Variants in MYO7B observed in about 807,000 individuals in gnomAD.
MYO7B encodes myosin VIIB, also known as unconventional myosin-VIIb.
Under a neutral mutation model 259.7 loss-of-function variants are expected in MYO7B, and 212 were observed. That is an observed-to-expected ratio of 0.82 (90% CI 0.73 to 0.91). The LOEUF (loss-of-function observed/expected upper bound fraction) is 0.91, where lower values mean the gene tolerates loss of function less well. MYO7B is among the 40% of genes least tolerant of loss of function. The pLI is 0.00. For synonymous variants in MYO7B, 1,197 were observed against 1,166.4 expected (o/e 1.03, Z -0.54); for missense variants, 2,732 against 2,813.5 (o/e 0.97, Z 0.66).
Position 127,582,322 on chromosome 2 carries a change from T to A in MYO7B, c.1219T>A (p.Phe407Ile). The change falls in exon 12 of 48, where the codon TTC (phenylalanine) becomes ATC (isoleucine). Residue 407 changes from phenylalanine (F) to isoleucine (I), a missense_variant. Physicochemically the swap from Phe to Ile is conservative, Grantham distance 21. Around this residue, in one of 3 missense-constraint regions of MYO7B, gnomAD observed 1,906 missense variants for 2,026.4 expected, o/e 0.94. Coordinates refer to ENST00000409816, the MANE Select transcript of MYO7B (RefSeq NM_001393586.1). ...TCTCCAGGGCATCTATGGGCACCTC[T>A]TCCTGTGGATTGTCAAGAAGATCAA... Reference protein sequence around the residue: ...AFVKGIYGHLFLWIVKKINAA... With the variant: ...AFVKGIYGHLILWIVKKINAA... The A allele has an allele frequency of 1.2e-6, 2 of 1,613,230 alleles. No homozygotes were observed. The highest frequency in any genetic ancestry group is 1.7e-6 in the Non-Finnish European group (2 of 1,179,672).
At position 127,613,128 on chromosome 2, in the gene MYO7B, G is replaced by T. The variant is rs1180943421; in HGVS notation, c.3398+525G>T. ...TAGGTTAATACTTTTAACAAAATTTGGGAAACTGTTGGTCATTATTTCTTC... is the reference window on the plus strand; with the variant it reads ...TAGGTTAATACTTTTAACAAAATTTTGGAAACTGTTGGTCATTATTTCTTC... On this transcript the variant is annotated intron_variant, in intron 26 of 47. Transcript: ENST00000409816. This position sits in a 1 kb window ranked among gnomAD's most constrained non-coding sequence, Gnocchi z 4.3. Among the ~76,000 whole-genome samples, 1 of 152,134 alleles carries T rather than the reference G, an allele frequency of 6.6e-6. No homozygotes were observed. Among genetic ancestry groups the T allele is most frequent in the African/African-American group, 2.4e-5 (1 of 41,428 alleles).
chr2:127,634,956 C>A lies in MYO7B; in HGVS notation c.5714-164C>A. 4.5e-6 allele frequency: 3 copies of A among 660,382 alleles called. No homozygotes were observed. The South Asian group carries it at 5.4e-5, about 12-fold the overall frequency. 40.9% of individuals were successfully genotyped at this position (660,382 alleles called of 1,614,324 possible). Reference sequence around the variant, plus strand: ...AGTCCAGGAATGTTCCTGGAGAAGGCAGCCTCTACACTAATATTGAAGGAA... The same window carrying A: ...AGTCCAGGAATGTTCCTGGAGAAGGAAGCCTCTACACTAATATTGAAGGAA... On this transcript the variant is annotated intron_variant, in intron 42 of 47. Transcript: ENST00000409816.
At chr2:127,560,360 G>A (rs918196384) in intron 2 of MYO7B, among the ~76,000 whole-genome samples, 1 of 152,104 alleles carries the variant, frequency 6.6e-6, no homozygotes, top group Non-Finnish European at 1.5e-5. Context: ...GCAGTTGCCG[G>A]GAGCTCCCCC....
chr2:127,604,741 A>G (rs951663573), intron 19 of MYO7B, among the ~76,000 whole-genome samples: 3 of 152,182 alleles, frequency 2.0e-5, no homozygotes, highest in Admixed American at 6.5e-5. Flanking sequence ...GTCTCAGGGA[A>G]CAGGGAAACA....
intron 29 of MYO7B, 102 bp from the exon 30 acceptor site, chr2:127,623,991 G>A (rs1026226506): frequency 1.5e-5 from 17 of 1,126,148 alleles, no homozygotes; most frequent in Non-Finnish European, 2.1e-5. Context: ...GGCTCCAAGG[G>A]CCCCAGGCCC....
chr2:127,540,785 C>T (rs1007998970), intron 1 of MYO7B, among the ~76,000 whole-genome samples: 5 of 152,176 alleles, frequency 3.3e-5, no homozygotes, highest in Non-Finnish European at 7.3e-5. Flanking sequence ...CATGGCCTAC[C>T]TCTAAAATGA....
intron 31 of MYO7B, 55 bp downstream of exon 31, chr2:127,625,590 G>C (rs1681068748): frequency 6.7e-7 from 1 of 1,496,680 alleles, no homozygotes; most frequent in African/African-American, 1.4e-5. Context: ...TGGGAGGTGG[G>C]GGGGCTCATG....
In MYO7B at chr2:127,585,194, C is replaced by T. The variant is rs913639240; in HGVS notation, c.1690+281C>T. Among the ~76,000 whole-genome samples the T allele has an allele frequency of 5.3e-5, 8 of 152,110 alleles. No individual in the cohort carries two copies. The highest frequency in any genetic ancestry group is 8.8e-5 in the Non-Finnish European group (6 of 68,030). On this transcript the variant is annotated intron_variant, in intron 14 of 47. Transcript: ENST00000409816. The surrounding 1 kb of genome is among the most constrained non-coding windows in gnomAD (Gnocchi z 4.3). The stretch of plus-strand genomic sequence containing the variant: ...TATATTCAGAGTATATTAATGATTG[C>T]CACAATTTTAGAACTTTTTCGCCAC...
At chr2:127,564,128 C>T in intron 2 of MYO7B, 25 bp from the exon 3 acceptor site, 1 of 1,472,616 alleles carries the variant, frequency 6.8e-7, no homozygotes, top group Non-Finnish European at 9.3e-7. Flanking sequence ...GGGGATCACA[C>T]CACTGTCTTC....
intron 18 of MYO7B, among the ~76,000 whole-genome samples, chr2:127,595,037 C>CA (rs1044422289): frequency 1.7e-4 from 25 of 150,942 alleles, no homozygotes; most frequent in Non-Finnish European, 1.9e-4. Context: ...GGAATAGTTT[C>CA]AAAAAAAAGG....
intron 1 of MYO7B, among the ~76,000 whole-genome samples, chr2:127,557,662 C>A (rs1265710774): frequency 6.6e-6 from 1 of 152,038 alleles, no homozygotes; most frequent in Non-Finnish European, 1.5e-5. Flanking sequence ...ACCAATGGAA[C>A]AAAATAGAGA....
chr2:127,608,711 C>T lies in MYO7B; in HGVS notation c.2647C>T (p.Pro883Ser), dbSNP rs768818738. 1 of 1,611,110 alleles carries T rather than the reference C, an allele frequency of 6.2e-7. No homozygotes were observed. Among genetic ancestry groups the T allele is most frequent in the Non-Finnish European group, 8.5e-7 (1 of 1,178,384 alleles). Reference sequence around the variant, plus strand: ...CCTTCCTCCACGGGGTATGCAGGCGCCGCTGGTCATCCCGGCCGAGGGGCA... The same window carrying T: ...CCTTCCTCCACGGGGTATGCAGGCGTCGCTGGTCATCCCGGCCGAGGGGCA... ...RNFQQRKANA[P>S]LVIPAEGQKS... The change falls in exon 22 of 48, where the codon CCG becomes TCG. Residue 883 changes from proline (P) to serine (S), a missense_variant. This residue lies in a region of MYO7B where 1,906 missense variants were observed against 2,026.4 expected (regional missense o/e 0.94). Transcript: ENST00000409816.
intron 19 of MYO7B, among the ~76,000 whole-genome samples, chr2:127,601,409 G>C (rs186529560): frequency 1.3e-5 from 2 of 152,186 alleles, no homozygotes; most frequent in Non-Finnish European, 2.9e-5. Context: ...ATTGTTGAGA[G>C]AGTCTCTAAT....
In MYO7B at chr2:127,593,622, G is replaced by T; in HGVS notation, c.2222G>T (p.Gly741Val). 1 of 1,613,738 alleles carries T rather than the reference G, an allele frequency of 6.2e-7. No homozygotes were observed. Among genetic ancestry groups the T allele is most frequent in the Non-Finnish European group, 8.5e-7 (1 of 1,179,842 alleles). ...CGGACAGACAAAGACTGGAAAGCGG[G>T]GAAGACAAAAATTTTCCTGAGGGTG... ...WLRTDKDWKA[G>V]KTKIFLRDHQ... is the part of the protein sequence containing the mutation. Residue 741 changes from glycine to valine, a missense_variant, in exon 18 of 48, where the codon GGG becomes GTG. By Grantham distance (109) the Gly-to-Val change is moderately radical. Transcript: ENST00000409816.
chr2:127,610,364 T>G (rs1027949508), intron 24 of MYO7B, among the ~76,000 whole-genome samples: 2 of 152,226 alleles, frequency 1.3e-5, no homozygotes, highest in African/African-American at 4.8e-5. Flanking sequence ...CAGCTGCTAC[T>G]CTTAATTCAA....
rs574960861 is a variant in MYO7B at position 127,617,595 on chromosome 2, C to T, written c.3399-2745C>T. Among the ~76,000 whole-genome samples the T allele has an allele frequency of 1.8e-3, 261 of 144,472 alleles. 1 individual carries two copies. The highest frequency in any genetic ancestry group is 6.6e-3 in the African/African-American group (251 of 38,032). The allele number at this position is 144,472 out of a possible 152,430, so 94.8% of individuals were successfully genotyped here. On this transcript the variant is annotated intron_variant, in intron 26 of 47. Transcript: ENST00000409816. ...TCGGCTCACTGCAAGCTCCGCTTCCCAGGTTCACGCCATTCTCCTGCCTCA... is the reference window on the plus strand; with the variant it reads ...TCGGCTCACTGCAAGCTCCGCTTCCTAGGTTCACGCCATTCTCCTGCCTCA...
intron 4 of MYO7B, among the ~76,000 whole-genome samples, chr2:127,566,266 G>A (rs1181550619): frequency 3.3e-5 from 5 of 152,200 alleles, no homozygotes; most frequent in South Asian, 2.1e-4. Context: ...TGGGGTTGGG[G>A]TCCGTGAGGC....
At chr2:127,572,883 A>C (rs10803589) in intron 6 of MYO7B, among the ~76,000 whole-genome samples, 125,348 of 151,734 alleles carry the variant, frequency 0.83, 52,015 homozygotes, top group East Asian at 1. Context: ...TATTCTAGGT[A>C]ATTTACCTTT....
chr2:127,623,240 C>T lies in MYO7B; in HGVS notation c.3684C>T (p.Ile1228=), dbSNP rs755036614. 5.6e-6 allele frequency: 9 copies of T among 1,613,712 alleles called. No individual in the cohort carries two copies. In the East Asian group the frequency reaches 8.9e-5, roughly 16 times the overall value. The stretch of plus-strand genomic sequence containing the variant: ...AGAAGCACATCCCCATCCAAGTCAT[C>T]TTGGCCACTGGAGAGAGCCTAACCG... ...KSKKHIPIQV[I]LATGESLTVP... Residue 1228 remains isoleucine (I), a synonymous_variant, in exon 29 of 48, where the codon ATC becomes ATT. Coordinates refer to ENST00000409816, the MANE Select transcript of MYO7B (RefSeq NM_001393586.1).
Sources: allele counts gnomAD v4.1 joint callset (sites outside exome capture counted in the v4.1 genomes callset), GRCh38; gene constraint gnomAD v4.1.1; regional missense constraint gnomAD v4.1.1; non-coding constraint Gnocchi (gnomAD v3.1); transcripts MANE v1.5; gene names NCBI Gene and HGNC (gene_info 2026-07-23, HGNC 2026-07-21).